GALNTL6: variants seen among roughly 807,000 people sequenced by gnomAD.
GALNTL6 encodes polypeptide N-acetylgalactosaminyltransferase-like 6.
GALNTL6 carries 46 observed loss-of-function variants against 73.7 expected under a neutral mutation model. The ratio of observed to expected loss-of-function variants is 0.62; its 90% confidence interval spans 0.49 to 0.80. The LOEUF (loss-of-function observed/expected upper bound fraction) is 0.80, where lower values mean the gene tolerates loss of function less well. Among genes scored for constraint, GALNTL6 ranks in the 30% least tolerant of loss-of-function variants. The pLI is 0.00. For missense variants in GALNTL6, 604 were observed against 755.0 expected (o/e 0.80, Z 2.34); for synonymous variants, 259 against 263.7 (o/e 0.98, Z 0.17).
intron 5 of GALNTL6, among the ~76,000 whole-genome samples, chr4:172,533,974 C>T (rs562646836): frequency 1.3e-5 from 2 of 152,082 alleles, no homozygotes; most frequent in African/African-American, 4.8e-5. Context: ...GATCCTGAGA[C>T]AAGAATTTAA....
intron 5 of GALNTL6, among the ~76,000 whole-genome samples, chr4:172,365,891 T>G (rs1430618098): frequency 1.3e-5 from 2 of 152,076 alleles, no homozygotes; most frequent in Non-Finnish European, 2.9e-5. Flanking sequence ...TCCATTAAGA[T>G]CTTTGTTATG....
At chr4:172,478,156 GA>G (rs998402717) in intron 5 of GALNTL6, among the ~76,000 whole-genome samples, 10 of 151,294 alleles carry the variant, frequency 6.6e-5, no homozygotes, top group Admixed American at 1.3e-4. Context: ...CACAGAATTA[GA>G]AAAAAAAAAT....
intron 2 of GALNTL6, among the ~76,000 whole-genome samples, chr4:171,982,329 G>C (rs1052537516): frequency 1.3e-5 from 2 of 151,994 alleles, no homozygotes; most frequent in African/African-American, 2.4e-5. Flanking sequence ...ACGGAGTCTC[G>C]CTCTGTCACC....
chr4:172,664,417 C>T (rs1252301645), intron 5 of GALNTL6, among the ~76,000 whole-genome samples: 2 of 152,152 alleles, frequency 1.3e-5, no homozygotes, highest in South Asian at 2.1e-4. Context: ...TCTTCAATAC[C>T]TACATTTCTT....
chr4:172,729,230 T>G (rs7694652), intron 5 of GALNTL6, among the ~76,000 whole-genome samples: 6,966 of 152,214 alleles, frequency 0.046, 295 homozygotes, highest in African/African-American at 0.11. Context: ...GCTTTTTAGC[T>G]TTATGTAATC....
At chr4:171,876,682 A>G (rs1736291100) in intron 2 of GALNTL6, among the ~76,000 whole-genome samples, 1 of 152,206 alleles carries the variant, frequency 6.6e-6, no homozygotes. Context: ...TAAGATAGTC[A>G]TTTTAATGAA....
At position 172,631,695 on chromosome 4, in the gene GALNTL6, C is replaced by T. The variant is rs188164709; in HGVS notation, c.554-177666C>T. On this transcript the variant is annotated intron_variant, in intron 5 of 12. Transcript: ENST00000506823. ...GGACAATGTTTTTGTGAAGCAAAACCAGTGTGATTTGCTTTCAAGATTCCC... is the reference window on the plus strand; with the variant it reads ...GGACAATGTTTTTGTGAAGCAAAACTAGTGTGATTTGCTTTCAAGATTCCC... 7.9e-5 allele frequency among the ~76,000 whole-genome samples: 12 copies of T among 152,222 alleles called. No individual in the cohort carries two copies. In the East Asian group the frequency reaches 2.3e-3, roughly 29 times the overall value.
At chr4:171,817,819 T>C (rs1299253044) in intron 2 of GALNTL6, among the ~76,000 whole-genome samples, 1 of 151,630 alleles carries the variant, frequency 6.6e-6, no homozygotes, top group East Asian at 1.9e-4. Context: ...TAAAAGTTTT[T>C]TATGGTTTGG....
chr4:172,455,984 A>C (rs1159565693), intron 5 of GALNTL6, among the ~76,000 whole-genome samples: 1 of 152,142 alleles, frequency 6.6e-6, no homozygotes, highest in East Asian at 1.9e-4. Flanking sequence ...CCTCTGGGAC[A>C]AAGCTCCCAG....
intron 12 of GALNTL6, among the ~76,000 whole-genome samples, chr4:173,025,596 C>T (rs994668169): frequency 6.6e-6 from 1 of 152,196 alleles, no homozygotes; most frequent in African/African-American, 2.4e-5. Context: ...CATCTTCCAC[C>T]CTGAAGCCAG....
intron 3 of GALNTL6, among the ~76,000 whole-genome samples, chr4:172,294,209 A>G (rs181841441): frequency 6.6e-6 from 1 of 151,884 alleles, no homozygotes; most frequent in Non-Finnish European, 1.5e-5. Flanking sequence ...TTTTATTTTG[A>G]TGCATTTAAT....
At chr4:172,378,664 T>C (rs935454282) in intron 5 of GALNTL6, among the ~76,000 whole-genome samples, 1 of 152,078 alleles carries the variant, frequency 6.6e-6, no homozygotes, top group African/African-American at 2.4e-5. Context: ...TCTAGAAGTT[T>C]TTTTATCCTA....
At chr4:172,224,544 A>G (rs1444268818) in intron 2 of GALNTL6, among the ~76,000 whole-genome samples, 3 of 152,242 alleles carry the variant, frequency 2.0e-5, no homozygotes, top group Admixed American at 6.5e-5. Flanking sequence ...ATTTGTAGTT[A>G]TGATAAATAA....
chr4:172,461,886 G>T (rs1220072376), intron 5 of GALNTL6, among the ~76,000 whole-genome samples: 2 of 152,136 alleles, frequency 1.3e-5, no homozygotes, highest in Non-Finnish European at 2.9e-5. Flanking sequence ...GTCTGTGAAG[G>T]TGTTTTTGGA....
At chr4:172,612,553 T>A (rs1160943091) in intron 5 of GALNTL6, among the ~76,000 whole-genome samples, 1 of 152,020 alleles carries the variant, frequency 6.6e-6, no homozygotes, top group Non-Finnish European at 1.5e-5. Flanking sequence ...CACGTGGTCA[T>A]CCTTCCCTGG....
chr4:171,946,734 G>C (rs1368490523), intron 2 of GALNTL6, among the ~76,000 whole-genome samples: 1 of 152,172 alleles, frequency 6.6e-6, no homozygotes, highest in Non-Finnish European at 1.5e-5. Context: ...GGACACTTGT[G>C]AAGAGTCATG....
At chr4:172,688,728 C>A (rs1161480424) in intron 5 of GALNTL6, among the ~76,000 whole-genome samples, 1 of 152,186 alleles carries the variant, frequency 6.6e-6, no homozygotes, top group Non-Finnish European at 1.5e-5. Flanking sequence ...ATGGAAATGG[C>A]TCTCCCCAGT....
intron 5 of GALNTL6, among the ~76,000 whole-genome samples, chr4:172,501,279 C>A (rs1734251614): frequency 6.6e-6 from 1 of 152,076 alleles, no homozygotes; most frequent in Non-Finnish European, 1.5e-5. Flanking sequence ...ACAATTACCT[C>A]AAAATAAAAA....
At chr4:172,876,591 A>G (rs1292117557) in intron 7 of GALNTL6, among the ~76,000 whole-genome samples, 3 of 152,192 alleles carry the variant, frequency 2.0e-5, no homozygotes, top group Admixed American at 1.3e-4. Flanking sequence ...AACAGCTTCT[A>G]TCTTTGCCCC....
Sources: allele counts gnomAD v4.1 joint callset (sites outside exome capture counted in the v4.1 genomes callset), GRCh38; gene constraint gnomAD v4.1.1; transcripts MANE v1.5; gene names NCBI Gene and HGNC (gene_info 2026-07-23, HGNC 2026-07-21).